Variants in GRPEL2 observed in about 807,000 individuals in gnomAD.
The protein encoded by GRPEL2 is GrpE like 2, mitochondrial.
In GRPEL2, 18 loss-of-function variants were observed where a neutral mutation model predicts 25.9. The observed-to-expected ratio is 0.70, with a 90% CI of 0.48 to 1.03. The LOEUF is 1.03. Among genes scored for constraint, GRPEL2 ranks in the 50% least tolerant of loss-of-function variants. The probability of loss-of-function intolerance (pLI) is 0.00; values close to 1 mark genes in which losing one functional copy is unlikely to be tolerated. For missense variants in GRPEL2, 247 were observed against 276.2 expected (o/e 0.89, Z 0.75); for synonymous variants, 106 against 107.9 (o/e 0.98, Z 0.11).
chr5:149,349,603 A>T (rs369762279), intron 2 of GRPEL2, 51 bp from the exon 3 acceptor site: 5 of 1,284,700 alleles, frequency 3.9e-6, no homozygotes, highest in Non-Finnish European at 5.5e-6. Context: ...ATTCTCTTCC[A>T]CCAATAAGTA....
chr5:149,351,261 G>A lies in GRPEL2; in HGVS notation c.657G>A (p.Val219=), dbSNP rs1451298149. The A allele has an allele frequency of 1.2e-6, 2 of 1,609,726 alleles. No individual in the cohort carries two copies. Among genetic ancestry groups the A allele is most frequent in the East Asian group, 2.2e-5 (1 of 44,790 alleles). ...GGCTTGCCCGAGTGGAAGTGGCAGT[G>A]GAGTCTCAGAGAAGACTGTGAAGAG... ...TIRLARVEVA[V]ESQRRL Residue 219 remains valine, a synonymous_variant, in exon 4 of 4, where the codon GTG becomes GTA. Transcript: ENST00000329271.
At chr5:149,349,791 T>C in intron 3 of GRPEL2, 56 bp downstream of exon 3, 1 of 1,272,306 alleles carries the variant, frequency 7.9e-7, no homozygotes, top group Non-Finnish European at 1.1e-6. Context: ...GGCTTATGCC[T>C]GTAATCCCAG....
intron 2 of GRPEL2, among the ~76,000 whole-genome samples, 175 bp from the exon 3 acceptor site, chr5:149,349,479 G>C (rs1581358422): frequency 6.6e-6 from 1 of 152,364 alleles, no homozygotes; most frequent in Non-Finnish European, 1.5e-5. Flanking sequence ...CTGCTAAAGA[G>C]TGGGTTTCTG....
Position 149,348,430 on chromosome 5 carries a change from G to A in GRPEL2, c.231+5G>A, listed in dbSNP as rs906324664. The A allele has an allele frequency of 1.3e-6, 2 of 1,588,194 alleles. No individual in the cohort carries two copies. On this transcript the variant is annotated splice_donor_5th_base_variant and intron_variant, in intron 2 of 3. Transcript: ENST00000329271. ...AAAGAAGTCCAAGATTTAACAGTGA[G>A]TCAATTTTATATTTCTTCTTCATAT...
chr5:149,349,937 T>C (rs1757750126), intron 3 of GRPEL2: 2 of 559,970 alleles, frequency 3.6e-6, no homozygotes, highest in Non-Finnish European at 6.3e-6. Flanking sequence ...CCAGCTACTC[T>C]GGAGGCTGAG....
chr5:149,349,869 C>G, intron 3 of GRPEL2, 134 bp downstream of exon 3: 1 of 656,034 alleles, frequency 1.5e-6, no homozygotes, highest in East Asian at 2.8e-5. Flanking sequence ...GCCAACATGA[C>G]ACCTCGTCTC....
chr5:149,351,366 T>C lies in GRPEL2; in HGVS notation c.*84T>C. ...TATTAAACTAGGTTTGTATTGTACATGAGGTACTTCATGTGATATGTTTTG... is the reference window on the plus strand; with the variant it reads ...TATTAAACTAGGTTTGTATTGTACACGAGGTACTTCATGTGATATGTTTTG... On this transcript the variant is annotated 3_prime_UTR_variant, in exon 4 of 4. Coordinates refer to ENST00000329271, the MANE Select transcript of GRPEL2 (RefSeq NM_152407.4). 5 of 1,370,582 alleles carry C rather than the reference T, an allele frequency of 3.6e-6. No individual in the cohort carries two copies. Among genetic ancestry groups the C allele is most frequent in the Non-Finnish European group, 4.9e-6 (5 of 1,011,746 alleles). The allele number at this position is 1,370,582 out of a possible 1,614,324, so 84.9% of individuals were successfully genotyped here.
intron 1 of GRPEL2, among the ~76,000 whole-genome samples, chr5:149,346,221 A>C (rs1005637144): frequency 3.3e-5 from 5 of 152,248 alleles, no homozygotes; most frequent in African/African-American, 1.2e-4. Flanking sequence ...ATATTTGGGA[A>C]GTGGTGGAAC....
At position 149,346,822 on chromosome 5, in the gene GRPEL2, C is replaced by T. The variant is rs368151915; in HGVS notation, c.77+1206C>T. Among the ~76,000 whole-genome samples the T allele has an allele frequency of 2.7e-4, 40 of 147,472 alleles. 1 individual carries two copies. The South Asian group carries it at 5.9e-3, about 22-fold the overall frequency. The stretch of plus-strand genomic sequence containing the variant: ...GCACAATCTCGGCTCACTGCAAGCT[C>T]CGCCTCCCGGGTTCACGCCATTCTC... On this transcript the variant is annotated intron_variant, in intron 1 of 3. Coordinates refer to ENST00000329271, the MANE Select transcript of GRPEL2 (RefSeq NM_152407.4).
rs189687537 is a variant in GRPEL2, at chr5:149,350,340, G to C, written c.314-578G>C. ...TCTTTTAAAAAATCAGACAAGTTTT[G>C]TGGTCCATCTCTAGCAACTTCATAG... On this transcript the variant is annotated intron_variant, in intron 3 of 3. Coordinates refer to ENST00000329271, the MANE Select transcript of GRPEL2 (RefSeq NM_152407.4). Among the ~76,000 whole-genome samples, 633 of 152,300 alleles carry C rather than the reference G, an allele frequency of 4.2e-3. 6 individuals are homozygous for C. The highest frequency in any genetic ancestry group is 6.1e-3 in the Non-Finnish European group (416 of 68,028).
intron 1 of GRPEL2, among the ~76,000 whole-genome samples, chr5:149,346,399 C>A (rs184185810): frequency 1.7e-4 from 26 of 152,258 alleles, no homozygotes; most frequent in Admixed American, 1.2e-3. Flanking sequence ...AAGTAAGCTA[C>A]GGGAGAATCT....
At chr5:149,349,108 G>A (rs1757735371) in intron 2 of GRPEL2, among the ~76,000 whole-genome samples, 3 of 151,906 alleles carry the variant, frequency 2.0e-5, no homozygotes, top group Admixed American at 2.0e-4. Context: ...TGCTTCTTCT[G>A]CCTCAGCCTC....
intron 1 of GRPEL2, 95 bp downstream of exon 1, chr5:149,345,711 G>A (rs1757677401): frequency 9.5e-7 from 1 of 1,053,048 alleles, no homozygotes. Context: ...AGAGCTATCT[G>A]AGCGTAGGCC....
chr5:149,347,697 G>C (rs1757710372), intron 1 of GRPEL2, among the ~76,000 whole-genome samples: 1 of 152,158 alleles, frequency 6.6e-6, no homozygotes, highest in Non-Finnish European at 1.5e-5. Context: ...TTTATAGGTG[G>C]GAATTTCTTT....
rs1757810387 is a variant in GRPEL2, at chr5:149,353,593, T to C, written c.*2311T>C. On this transcript the variant is annotated 3_prime_UTR_variant, in exon 4 of 4. Coordinates refer to ENST00000329271, the MANE Select transcript of GRPEL2 (RefSeq NM_152407.4). ...GTTTTTGGTTTTTGGTTTTTGGTTT[T>C]TTTTTTTTGGTTGGTTGGTTGTTTT... The C allele has an allele frequency of 6.6e-6, 1 of 151,980 alleles. No homozygotes were observed. Among genetic ancestry groups the C allele is most frequent in the Non-Finnish European group, 1.5e-5 (1 of 68,016 alleles). The allele number at this position is 151,980 out of a possible 1,614,324, so 9.4% of individuals were successfully genotyped here.
chr5:149,346,248 T>G lies in GRPEL2; in HGVS notation c.77+632T>G, dbSNP rs1040663395. Among the ~76,000 whole-genome samples, 10 of 152,230 alleles carry G rather than the reference T, an allele frequency of 6.6e-5. No homozygotes were observed. The East Asian group carries it at 1.9e-3, about 29-fold the overall frequency. Reference sequence around the variant, plus strand: ...TGGTGGAACCCGGGCTGGAAACCAGTCAGGGCGTTGGAATCGGCGCTCTTA... The same window carrying G: ...TGGTGGAACCCGGGCTGGAAACCAGGCAGGGCGTTGGAATCGGCGCTCTTA... On this transcript the variant is annotated intron_variant, in intron 1 of 3. Coordinates refer to ENST00000329271, the MANE Select transcript of GRPEL2 (RefSeq NM_152407.4).
chr5:149,348,663 A>C (rs1480950109), intron 2 of GRPEL2, among the ~76,000 whole-genome samples: 1 of 152,218 alleles, frequency 6.6e-6, no homozygotes, highest in Non-Finnish European at 1.5e-5. Flanking sequence ...CACAGCACTT[A>C]GATATCTGAT....
intron 1 of GRPEL2, 107 bp from the exon 2 acceptor site, chr5:149,348,165 C>CT (rs1222957948): frequency 7.8e-6 from 8 of 1,022,620 alleles, no homozygotes; most frequent in Non-Finnish European, 2.9e-6. Context: ...ACTGAAAACA[C>CT]TTTCTCCAGA....
intron 1 of GRPEL2, among the ~76,000 whole-genome samples, chr5:149,347,003 G>A (rs946128883): frequency 6.6e-6 from 1 of 152,070 alleles, no homozygotes; most frequent in Admixed American, 6.5e-5. Flanking sequence ...GGGATTACAG[G>A]CGTGAGCCAC....
Sources: allele counts gnomAD v4.1 joint callset (sites outside exome capture counted in the v4.1 genomes callset), GRCh38; gene constraint gnomAD v4.1.1; transcripts MANE v1.5; gene names NCBI Gene and HGNC (gene_info 2026-07-23, HGNC 2026-07-21).